Variants in FBXO36 observed in about 807,000 individuals in gnomAD.
FBXO36 encodes F-box protein 36.
In FBXO36, 18 loss-of-function variants were observed where a neutral mutation model predicts 17.0. The observed-to-expected ratio is 1.06, with a 90% CI of 0.73 to 1.57. The LOEUF (loss-of-function observed/expected upper bound fraction) is 1.57. Among genes scored for constraint, FBXO36 ranks in the 40% most tolerant of loss-of-function variants. The pLI is 0.00. For synonymous variants in FBXO36, 83 were observed against 85.3 expected (o/e 0.97, Z 0.15); for missense variants, 229 against 221.9 (o/e 1.03, Z -0.20).
At chr2:229,982,578 G>A (rs59658027) in intron 2 of FBXO36, among the ~76,000 whole-genome samples, 64 of 151,864 alleles carry the variant, frequency 4.2e-4, no homozygotes, top group African/African-American at 1.5e-3. Context: ...AGGCTGAGGC[G>A]GGTGGATTAC....
chr2:229,943,070 G>GGC (rs1160527631), intron 1 of FBXO36: 1 of 152,240 alleles, frequency 6.6e-6, no homozygotes, highest in African/African-American at 2.4e-5. Flanking sequence ...GCTTAAGAAA[G>GGC]GCGCACTTCC....
chr2:230,010,887 A>G lies in FBXO36; in HGVS notation c.*3A>G, dbSNP rs1310216571. 4 of 1,602,476 alleles carry G rather than the reference A, an allele frequency of 2.5e-6. No individual in the cohort carries two copies. The highest frequency in any genetic ancestry group is 3.4e-6 in the Non-Finnish European group (4 of 1,172,622). On this transcript the variant is annotated 3_prime_UTR_variant, in exon 4 of 4. Transcript: ENST00000283946. Reference sequence around the variant, plus strand: ...ACCTGAGAGAAAAGCAACCTTAGGCACACATTTTCCTACCAGCAGGGAGCT... The same window carrying G: ...ACCTGAGAGAAAAGCAACCTTAGGCGCACATTTTCCTACCAGCAGGGAGCT...
chr2:229,968,723 C>T (rs577670456), intron 1 of FBXO36, among the ~76,000 whole-genome samples: 1 of 152,236 alleles, frequency 6.6e-6, no homozygotes, highest in East Asian at 1.9e-4. Context: ...CCACCACAGC[C>T]TCCCAAAGTG....
chr2:229,954,751 G>T (rs1238200344), intron 1 of FBXO36, among the ~76,000 whole-genome samples: 1 of 148,762 alleles, frequency 6.7e-6, no homozygotes, highest in Admixed American at 6.7e-5. Flanking sequence ...GTTTCACCGT[G>T]TTAGCCAGGA....
chr2:230,009,312 C>T (rs910336035), intron 3 of FBXO36, among the ~76,000 whole-genome samples: 1 of 152,154 alleles, frequency 6.6e-6, no homozygotes. Context: ...GGACAGCAAT[C>T]ATGCCTATGT....
chr2:230,009,722 A>G (rs905801363), intron 3 of FBXO36, among the ~76,000 whole-genome samples: 3 of 151,896 alleles, frequency 2.0e-5, no homozygotes, highest in African/African-American at 7.3e-5. Context: ...AGGCAGGCAG[A>G]TTACAAGGTC....
At chr2:229,973,884 CA>C (rs977162112) in intron 1 of FBXO36, among the ~76,000 whole-genome samples, 23 of 151,230 alleles carry the variant, frequency 1.5e-4, no homozygotes, top group African/African-American at 5.1e-4. Flanking sequence ...CCATCACTAC[CA>C]AAAAAATACA....
Position 230,012,556 on chromosome 2 carries a change from T to C in FBXO36, c.*1672T>C, listed in dbSNP as rs2077420819. On this transcript the variant is annotated 3_prime_UTR_variant, in exon 4 of 4. Transcript: ENST00000283946. ...AAGAGACCCAGGCCTCATTCTCCACTTAGGAGAGTTTGCTAGGGCAGGTAC... is the reference window on the plus strand; with the variant it reads ...AAGAGACCCAGGCCTCATTCTCCACCTAGGAGAGTTTGCTAGGGCAGGTAC... The C allele has an allele frequency of 6.6e-6, 1 of 152,012 alleles. No homozygotes were observed. The highest frequency in any genetic ancestry group is 2.1e-4 in the South Asian group (1 of 4,830). The allele number at this position is 152,012 out of a possible 1,614,324, so 9.4% of individuals were successfully genotyped here.
chr2:230,000,347 G>A (rs1488763696), intron 3 of FBXO36, among the ~76,000 whole-genome samples: 2 of 104,736 alleles, frequency 1.9e-5, no homozygotes, highest in Non-Finnish European at 1.8e-5. Context: ...AACAGAGTGA[G>A]ACTGTCTCAA....
At chr2:230,000,553 A>G in intron 3 of FBXO36, among the ~76,000 whole-genome samples, 1 of 151,778 alleles carries the variant, frequency 6.6e-6, no homozygotes. Context: ...AGTAAATGGA[A>G]GGATTTGATA....
At chr2:229,964,058 T>TC (rs1006081711) in intron 1 of FBXO36, among the ~76,000 whole-genome samples, 2 of 152,174 alleles carry the variant, frequency 1.3e-5, no homozygotes, top group African/African-American at 2.4e-5. Context: ...ATTTTTTTTT[T>TC]CCCTGTGAAC....
chr2:229,939,941 G>T (rs2076989083), intron 1 of FBXO36, among the ~76,000 whole-genome samples: 1 of 152,158 alleles, frequency 6.6e-6, no homozygotes, highest in Non-Finnish European at 1.5e-5. Context: ...AAATTAGCCA[G>T]GCGTGGTGGC....
intron 2 of FBXO36, among the ~76,000 whole-genome samples, chr2:229,983,943 T>G (rs1489303024): frequency 6.6e-6 from 1 of 152,190 alleles, no homozygotes; most frequent in African/African-American, 2.4e-5. Context: ...TTTTTAATAT[T>G]TAAAAAGTGA....
chr2:229,941,742 C>T (rs1020411546), intron 1 of FBXO36, among the ~76,000 whole-genome samples: 2 of 152,132 alleles, frequency 1.3e-5, no homozygotes, highest in Non-Finnish European at 2.9e-5. Flanking sequence ...TCAGGCCTGG[C>T]GCGGTAGCTC....
chr2:230,006,807 G>T (rs2114663), intron 3 of FBXO36, among the ~76,000 whole-genome samples: 148,779 of 152,244 alleles, frequency 0.98, 72,793 homozygotes, highest in East Asian at 1. Context: ...CAGACCTGAC[G>T]CCGTAGTATC....
chr2:229,967,905 G>A (rs1012302795), intron 1 of FBXO36, among the ~76,000 whole-genome samples: 11 of 152,140 alleles, frequency 7.2e-5, no homozygotes, highest in African/African-American at 2.2e-4. Flanking sequence ...ATGAGTTAGG[G>A]AGGATTCCCT....
chr2:229,976,221 C>A lies in FBXO36; in HGVS notation c.97-20C>A. 2 of 1,546,446 alleles carry A rather than the reference C, an allele frequency of 1.3e-6. No homozygotes were observed. The highest frequency in any genetic ancestry group is 1.4e-5 in the African/African-American group (1 of 72,410). ...TATTGAAATCAATTTTAATTCATATCACTTTGTATTTAATTATAGGTAATC... is the reference window on the plus strand; with the variant it reads ...TATTGAAATCAATTTTAATTCATATAACTTTGTATTTAATTATAGGTAATC... On this transcript the variant is annotated intron_variant, in intron 1 of 3. Transcript: ENST00000283946.
Position 229,952,834 on chromosome 2 carries a change from G to A in FBXO36, c.97-23407G>A, listed in dbSNP as rs768488355. Among the ~76,000 whole-genome samples the A allele has an allele frequency of 8.1e-4, 123 of 152,184 alleles. 1 individual carries two copies. Among genetic ancestry groups the A allele is most frequent in the Non-Finnish European group, 1.5e-3 (104 of 68,030 alleles). On this transcript the variant is annotated intron_variant, in intron 1 of 3. Transcript: ENST00000283946. Reference sequence around the variant, plus strand: ...ATAACGAACTACAGATGGGATGGACGCCATCTTACCTGATGCTGGCCAGTA... The same window carrying A: ...ATAACGAACTACAGATGGGATGGACACCATCTTACCTGATGCTGGCCAGTA...
rs530549544 is a variant in FBXO36 at position 229,991,533 on chromosome 2, GC to G, written c.206-5215del. Reference sequence around the variant, plus strand: ...CATGTGAGCACACAGTGAAATGGCAGCCCTGCACAAGCCAAGAGAAGAAGCT... The same window carrying G: ...CATGTGAGCACACAGTGAAATGGCAGCCTGCACAAGCCAAGAGAAGAAGCT... On this transcript the variant is annotated intron_variant, in intron 2 of 3. Transcript: ENST00000283946. 1.6e-3 allele frequency among the ~76,000 whole-genome samples: 238 copies of G among 152,312 alleles called. 2 individuals are homozygous for G. The highest frequency in any genetic ancestry group is 5.5e-3 in the African/African-American group (230 of 41,570).
Sources: gnomAD v4.1 joint callset for allele counts (sites outside exome capture counted in the v4.1 genomes callset) on GRCh38, gnomAD v4.1.1 for gene constraint, MANE v1.5 for transcripts, NCBI Gene and HGNC (gene_info 2026-07-23, HGNC 2026-07-21) for gene names.